Variants in MYO9A observed in about 807,000 individuals in gnomAD.
MYO9A encodes myosin IXA.
MYO9A carries 103 observed loss-of-function variants against 293.3 expected under a neutral mutation model. The observed-to-expected ratio is 0.35, with a 90% CI of 0.30 to 0.41. The LOEUF (loss-of-function observed/expected upper bound fraction) is 0.41. Among genes scored for constraint, MYO9A ranks in the 10% least tolerant of loss-of-function variants. The pLI is 1.00. For synonymous variants in MYO9A, 1,001 were observed against 1,035.7 expected, an observed-to-expected ratio of 0.97 and a Z score of 0.64; for missense variants, 2,685 against 3,033.0, an observed-to-expected ratio of 0.89 and a Z score of 2.69.
chr15:72,113,809 T>C (rs1226264652), intron 1 of MYO9A, among the ~76,000 whole-genome samples: 1 of 151,950 alleles, frequency 6.6e-6, no homozygotes, highest in African/African-American at 2.4e-5. Flanking sequence ...TAGCAATCAA[T>C]GAGAAAAAGA....
Position 71,898,686 on chromosome 15 carries a change from C to T in MYO9A, c.3817G>A (p.Glu1273Lys), listed in dbSNP as rs1268939311. 1.2e-6 allele frequency: 2 copies of T among 1,614,032 alleles called. No individual in the cohort carries two copies. Among genetic ancestry groups the T allele is most frequent in the South Asian group, 2.2e-5 (2 of 91,072 alleles). ...TCTAGTTCTCTCATTCTCCTACTTT[C>T]TCTCTTAGCCCGGCCTACTTTTTTC... The part of the protein sequence containing the change: ...HQKKVGRAKR[E>K]SRRMRELEQA... Residue 1273 changes from glutamate to lysine, a missense_variant, in exon 25 of 42, where the codon GAA becomes AAA. Around this residue, in one of 10 missense-constraint regions of MYO9A, gnomAD observed 1,434 missense variants for 1,497.7 expected, o/e 0.96. Transcript: ENST00000356056.
At chr15:72,074,016 A>T (rs1312621040) in intron 1 of MYO9A, among the ~76,000 whole-genome samples, 1 of 151,992 alleles carries the variant, frequency 6.6e-6, no homozygotes, top group Non-Finnish European at 1.5e-5. Flanking sequence ...CAACTACTCA[A>T]CTCTTCCTTT....
At chr15:71,843,105 G>A (rs1484274524) in intron 39 of MYO9A, among the ~76,000 whole-genome samples, 1 of 152,036 alleles carries the variant, frequency 6.6e-6, no homozygotes, top group Non-Finnish European at 1.5e-5. Context: ...GAAGTTCTTA[G>A]ACAACTCTCC....
At position 72,045,707 on chromosome 15, in the gene MYO9A, G is replaced by T; in HGVS notation, c.840+17C>A. On this transcript the variant is annotated intron_variant, in intron 2 of 41. Transcript: ENST00000356056. ...AAATCAAAATTAAAATCAAAAATAA[G>T]ATTTCTATATATTTACCTCAAGTAC... is the stretch of plus-strand genomic sequence containing the variant. 6.5e-7 allele frequency: 1 copy of T among 1,547,472 alleles called. No homozygotes were observed.
chr15:71,936,701 G>A (rs2058652496), intron 16 of MYO9A, among the ~76,000 whole-genome samples: 1 of 151,866 alleles, frequency 6.6e-6, no homozygotes, highest in South Asian at 2.1e-4. Context: ...ATAAATCTCA[G>A]CTTCCATTTG....
At position 71,960,097 on chromosome 15, in the gene MYO9A, C is replaced by G; in HGVS notation, c.1987-1G>C. ...GATCTGTATTTTTTTCCCGGAAATC[C>G]TATATGAAAAAAGTACCAGTGTTAC... On this transcript the variant is annotated splice_acceptor_variant, in intron 13 of 41. Transcript: ENST00000356056. LOFTEE classifies it high-confidence loss of function. 1 of 1,611,788 alleles carries G rather than the reference C, an allele frequency of 6.2e-7. No individual in the cohort carries two copies. The highest frequency in any genetic ancestry group is 1.1e-5 in the South Asian group (1 of 90,546).
chr15:71,943,748 T>C (rs961129358), intron 15 of MYO9A, among the ~76,000 whole-genome samples: 7 of 152,142 alleles, frequency 4.6e-5, no homozygotes, highest in Non-Finnish European at 1.0e-4. Flanking sequence ...CAGATTGGCT[T>C]GTATTGACTA....
At chr15:71,903,111 A>G (rs372101238) in intron 21 of MYO9A, 48 bp from the exon 22 acceptor site, 1 of 1,457,730 alleles carries the variant, frequency 6.9e-7, no homozygotes, top group East Asian at 2.3e-5. Flanking sequence ...CAGTGTATGT[A>G]AACAAGACCT....
In MYO9A at chr15:71,907,119, G is replaced by C. The variant is rs71395047; in HGVS notation, c.2686-2113C>G. Among the ~76,000 whole-genome samples, 619 of 127,238 alleles carry C rather than the reference G, an allele frequency of 4.9e-3. 3 individuals carry two copies. Among genetic ancestry groups the C allele is most frequent in the Non-Finnish European group, 7.9e-3 (497 of 62,782 alleles). 83.5% of individuals were successfully genotyped at this position (127,238 alleles called of 152,430 possible). On this transcript the variant is annotated intron_variant, in intron 19 of 41. Transcript: ENST00000356056. ...TCCCCCTACCCCACAACAGTCCCCA[G>C]ACTGTGATGTTCCCATTCCTGTGTC...
At chr15:71,945,657 G>A (rs1410990958) in intron 15 of MYO9A, among the ~76,000 whole-genome samples, 3 of 152,088 alleles carry the variant, frequency 2.0e-5, no homozygotes, top group Non-Finnish European at 4.4e-5. Context: ...TAAATAGGAA[G>A]TGTGATTCCT....
chr15:72,046,415 A>C lies in MYO9A; in HGVS notation c.149T>G (p.Ile50Arg). The C allele has an allele frequency of 6.2e-7, 1 of 1,614,232 alleles. No homozygotes were observed. The highest frequency in any genetic ancestry group is 8.5e-7 in the Non-Finnish European group (1 of 1,180,042). Residue 50 changes from isoleucine (I) to arginine (R), a missense_variant, in exon 2 of 42, where the codon ATA (isoleucine) becomes AGA (arginine). Physicochemically the swap from Ile to Arg is moderately conservative, Grantham distance 97. Transcript: ENST00000356056. ...TGTTTTGTCAAGATGAAGTTTGTTT[A>C]TAAGAGACTCAATCACCTCAGCAGC... Reference protein sequence around the residue: ...STAAEVIESLINKLHLDKTKC... With the variant: ...STAAEVIESLRNKLHLDKTKC...
intron 18 of MYO9A, among the ~76,000 whole-genome samples, chr15:71,931,146 GTACT>G (rs1371437087): frequency 6.6e-6 from 1 of 152,166 alleles, no homozygotes; most frequent in Non-Finnish European, 1.5e-5. Flanking sequence ...ATTAGACAGT[GTACT>G]TACTTTTATC....
At chr15:71,842,655 C>T (rs1450662383) in intron 39 of MYO9A, among the ~76,000 whole-genome samples, 1 of 151,752 alleles carries the variant, frequency 6.6e-6, no homozygotes, top group African/African-American at 2.4e-5. Flanking sequence ...GTCAGGAGAT[C>T]GAGACTATCC....
intron 1 of MYO9A, among the ~76,000 whole-genome samples, chr15:72,048,372 C>G (rs1219034295): frequency 6.6e-6 from 1 of 150,776 alleles, no homozygotes; most frequent in Non-Finnish European, 1.5e-5. Flanking sequence ...ACACTCCAGC[C>G]TGGGTGACAG....
chr15:71,925,750 C>G (rs1474362304), intron 18 of MYO9A, among the ~76,000 whole-genome samples: 1 of 152,086 alleles, frequency 6.6e-6, no homozygotes, highest in Non-Finnish European at 1.5e-5. Context: ...TTAATTGTAG[C>G]TATAGACATC....
At chr15:71,994,422 A>G in intron 10 of MYO9A, 47 bp downstream of exon 10, 1 of 1,237,482 alleles carries the variant, frequency 8.1e-7, no homozygotes, top group Non-Finnish European at 1.1e-6. Context: ...CCAGTTTATT[A>G]AAATAGCTTT....
In MYO9A at chr15:72,049,484, C is replaced by T. The variant is rs906117480; in HGVS notation, c.-71-2850G>A. On this transcript the variant is annotated intron_variant, in intron 1 of 41. Coordinates refer to ENST00000356056, the MANE Select transcript of MYO9A (RefSeq NM_006901.4). ...CTTCTTACAGCCAGGGAGGCTGTGACCTGTACCACTCCAGGAGATGTACTA... is the reference window on the plus strand; with the variant it reads ...CTTCTTACAGCCAGGGAGGCTGTGATCTGTACCACTCCAGGAGATGTACTA... Among the ~76,000 whole-genome samples, 8 of 152,300 alleles carry T rather than the reference C, an allele frequency of 5.3e-5. No individual in the cohort carries two copies. The East Asian group carries it at 1.4e-3, about 26-fold the overall frequency.
At chr15:72,103,775 ATTGT>A (rs2080475179) in intron 1 of MYO9A, among the ~76,000 whole-genome samples, 1 of 152,216 alleles carries the variant, frequency 6.6e-6, no homozygotes, top group African/African-American at 2.4e-5. Flanking sequence ...GGAAAACTAT[ATTGT>A]TTAAGGATGT....
chr15:72,033,910 T>C (rs1394763672), intron 2 of MYO9A, among the ~76,000 whole-genome samples: 1 of 152,216 alleles, frequency 6.6e-6, no homozygotes, highest in East Asian at 1.9e-4. Context: ...AGATGATTCA[T>C]TGCGGAGCTT....
Sources: allele counts gnomAD v4.1 joint callset (sites outside exome capture counted in the v4.1 genomes callset), GRCh38; gene constraint gnomAD v4.1.1; regional missense constraint gnomAD v4.1.1; transcripts MANE v1.5; gene names NCBI Gene and HGNC (gene_info 2026-07-23, HGNC 2026-07-21).